ZNG1E: variants seen among roughly 807,000 people sequenced by gnomAD.
ZNG1E encodes the protein Zn regulated GTPase metalloprotein activator 1E.
chr9:65,673,847 C>T, the ZNG1E span, among the ~76,000 whole-genome samples: 3 of 152,402 alleles, frequency 2.0e-5, no homozygotes, highest in East Asian at 3.9e-4. Flanking sequence ...TCAGCCAGTG[C>T]CATATTGGGA....
At chr9:65,708,101 A>T in the ZNG1E span, 1 of 147,774 alleles carries the variant, frequency 6.8e-6, no homozygotes, top group East Asian at 2.0e-4. Context: ...TGACCTTGTG[A>T]TCCGCCCGCC....
chr9:65,728,731 C>A, the ZNG1E span, among the ~76,000 whole-genome samples: 1 of 148,218 alleles, frequency 6.7e-6, no homozygotes, highest in African/African-American at 2.6e-5. Context: ...TAAAAAATTA[C>A]CAACAAAAAA....
chr9:65,680,044 G>A, the ZNG1E span, among the ~76,000 whole-genome samples: 5 of 152,252 alleles, frequency 3.3e-5, no homozygotes, highest in Admixed American at 2.0e-4. Context: ...TTTTATCTGT[G>A]AAAATAAGTG....
chr9:65,706,025 G>C, the ZNG1E span, among the ~76,000 whole-genome samples: 19 of 144,770 alleles, frequency 1.3e-4, no homozygotes, highest in African/African-American at 2.1e-4. Flanking sequence ...TTCCAGAGTT[G>C]AAGACTGAGC....
At chr9:65,667,839 T>G in the ZNG1E span, among the ~76,000 whole-genome samples, 1 of 143,192 alleles carries the variant, frequency 7.0e-6, no homozygotes, top group African/African-American at 2.6e-5. Flanking sequence ...GTACTAAAAA[T>G]ACAAAAATTA....
chr9:65,720,883 G>T, the ZNG1E span, among the ~76,000 whole-genome samples: 3 of 145,524 alleles, frequency 2.1e-5, no homozygotes. Context: ...CTTTCCCTGT[G>T]AAACTTTTGT....
the ZNG1E span, chr9:65,704,919 A>AAAC: frequency 1.5e-5 from 2 of 137,908 alleles, no homozygotes; most frequent in Non-Finnish European, 3.1e-5. Context: ...TCAAAAAAAA[A>AAAC]AAAAAAACAA....
At chr9:65,664,134 C>T in the ZNG1E span, among the ~76,000 whole-genome samples, 7 of 152,108 alleles carry the variant, frequency 4.6e-5, no homozygotes, top group Admixed American at 2.6e-4. Flanking sequence ...CAAATCAGTA[C>T]ATATAAAAAA....
At chr9:65,684,550 G>GCACACGCACACGCACGCA in the ZNG1E span, among the ~76,000 whole-genome samples, 2 of 132,854 alleles carry the variant, frequency 1.5e-5, no homozygotes, top group Admixed American at 7.4e-5. Flanking sequence ...ACACACGCAC[G>GCACACGCACACGCACGCA]CACACACACA....
the ZNG1E span, among the ~76,000 whole-genome samples, chr9:65,701,626 A>C: frequency 6.7e-6 from 1 of 150,316 alleles, no homozygotes; most frequent in Non-Finnish European, 1.5e-5. Context: ...CAGTGCTGAC[A>C]CATAGTAAGT....
chr9:65,711,443 G>C, the ZNG1E span, among the ~76,000 whole-genome samples: 8 of 129,704 alleles, frequency 6.2e-5, no homozygotes, highest in Admixed American at 6.3e-4. Flanking sequence ...GTTTTCAAAG[G>C]GAATGCTTCC....
At chr9:65,673,998 T>C in the ZNG1E span, among the ~76,000 whole-genome samples, 2 of 152,244 alleles carry the variant, frequency 1.3e-5, no homozygotes, top group Non-Finnish European at 2.9e-5. Flanking sequence ...CTCCTTCCCT[T>C]AGGTTGCCAA....
At chr9:65,711,069 A>T in the ZNG1E span, among the ~76,000 whole-genome samples, 1 of 133,216 alleles carries the variant, frequency 7.5e-6, no homozygotes, top group African/African-American at 3.1e-5. Context: ...GAGGTACTTC[A>T]CATCCCTAGT....
chr9:65,703,824 G>C, the ZNG1E span: 63 of 970,010 alleles, frequency 6.5e-5, 1 homozygote, highest in Non-Finnish European at 7.3e-5. Context: ...AGTAACAGCA[G>C]CAGCTGCTTA....
the ZNG1E span, among the ~76,000 whole-genome samples, chr9:65,681,002 G>T: frequency 2.0e-5 from 3 of 152,270 alleles, no homozygotes; most frequent in African/African-American, 7.2e-5. Context: ...GTTAGCGAGG[G>T]TGGTCTCGAT....
At chr9:65,667,991 C>T in the ZNG1E span, among the ~76,000 whole-genome samples, 9 of 141,080 alleles carry the variant, frequency 6.4e-5, 1 homozygote, top group South Asian at 4.8e-4. Flanking sequence ...AGCAAAACTT[C>T]GTCTCAAAAA....
the ZNG1E span, among the ~76,000 whole-genome samples, chr9:65,717,744 G>T: frequency 6.7e-6 from 1 of 148,198 alleles, no homozygotes; most frequent in East Asian, 1.9e-4. Flanking sequence ...CTAGAGTGCA[G>T]TGGTGCGATG....
chr9:65,672,539 T>G, the ZNG1E span, among the ~76,000 whole-genome samples: 400 of 149,640 alleles, frequency 2.7e-3, no homozygotes, highest in African/African-American at 9.5e-3. Context: ...AGGTCAGGAG[T>G]TCAAGACCAG....
chr9:65,683,976 G>T, the ZNG1E span, among the ~76,000 whole-genome samples: 1,358 of 151,626 alleles, frequency 9.0e-3, no homozygotes, highest in East Asian at 0.033. Context: ...AGCCAGTTTT[G>T]CCATTTTATA....
Sources: gnomAD v4.1 joint callset for allele counts (sites outside exome capture counted in the v4.1 genomes callset) on GRCh38, gnomAD v4.1.1 for gene constraint, MANE v1.5 for transcripts, NCBI Gene and HGNC (gene_info 2026-07-23, HGNC 2026-07-21) for gene names.